Variants in GBE1 observed in about 807,000 individuals in gnomAD.
The protein encoded by GBE1 is 1,4-alpha-glucan-branching enzyme.
A neutral mutation model predicts 88.8 loss-of-function variants in GBE1; 70 were observed. The observed-to-expected ratio is 0.79, with a 90% confidence interval of 0.65 to 0.96. The LOEUF (loss-of-function observed/expected upper bound fraction) is 0.96, where lower values mean the gene tolerates loss of function less well. GBE1 is among the 40% of genes least tolerant of loss of function. The pLI is 0.00. For synonymous variants in GBE1, 284 were observed against 300.1 expected, an observed-to-expected ratio of 0.95 and a Z score of 0.56; for missense variants, 872 against 871.0, an observed-to-expected ratio of 1.00 and a Z score of -0.01.
chr3:81,750,607 ATATATATATG>A lies in GBE1; in HGVS notation c.143+10758_143+10767del, dbSNP rs1559708656. ...TATATACGTATATATATATGTGTAT[ATATATATATG>A]TATATATATATACGTATATATATAT... On this transcript the variant is annotated intron_variant, in intron 1 of 15. Coordinates refer to ENST00000429644, the MANE Select transcript of GBE1 (RefSeq NM_000158.4). Among the ~76,000 whole-genome samples, 520 of 79,870 alleles carry A rather than the reference ATATATATATG, an allele frequency of 6.5e-3. 27 individuals are homozygous for A. The highest frequency in any genetic ancestry group is 0.029 in the East Asian group (29 of 1,006). The allele number at this position is 79,870 out of a possible 152,430, so 52.4% of individuals were successfully genotyped here.
intron 2 of GBE1, among the ~76,000 whole-genome samples, chr3:81,676,327 T>C (rs537976176): frequency 1.3e-5 from 2 of 152,248 alleles, no homozygotes; most frequent in South Asian, 2.1e-4. Context: ...GATACTCTTA[T>C]GCTTGTCTAG....
chr3:81,575,761 A>G (rs1254993400), intron 12 of GBE1, among the ~76,000 whole-genome samples: 1 of 152,198 alleles, frequency 6.6e-6, no homozygotes, highest in Non-Finnish European at 1.5e-5. Context: ...GCTTATAACT[A>G]AAACTGGTTA....
Position 81,589,433 on chromosome 3 carries a change from C to A in GBE1, c.1236+1604G>T, listed in dbSNP as rs144286190. On this transcript the variant is annotated intron_variant, in intron 9 of 15. Coordinates refer to ENST00000429644, the MANE Select transcript of GBE1 (RefSeq NM_000158.4). ...TCAATTCTACATTTGGAAGAGACTC[C>A]CGCTAGACAGAAAAGTGACGTATTG... Among the ~76,000 whole-genome samples the A allele has an allele frequency of 2.3e-3, 354 of 151,194 alleles. 3 individuals carry two copies. Among genetic ancestry groups the A allele is most frequent in the African/African-American group, 8.2e-3 (338 of 41,258 alleles).
At chr3:81,544,948 T>G (rs940067828) in intron 12 of GBE1, among the ~76,000 whole-genome samples, 2 of 152,176 alleles carry the variant, frequency 1.3e-5, no homozygotes, top group Non-Finnish European at 2.9e-5. Flanking sequence ...TAGGAATTAA[T>G]TAAAGTATAT....
chr3:81,685,083 C>G (rs1242376031), intron 2 of GBE1, among the ~76,000 whole-genome samples: 1 of 152,188 alleles, frequency 6.6e-6, no homozygotes, highest in Non-Finnish European at 1.5e-5. Context: ...CAGAGAGACA[C>G]ATAGAGTAAG....
intron 1 of GBE1, among the ~76,000 whole-genome samples, chr3:81,752,328 T>C (rs1575778675): frequency 6.6e-6 from 1 of 152,228 alleles, no homozygotes; most frequent in Admixed American, 6.5e-5. Context: ...ATTATATATT[T>C]TTTCTTCTTC....
intron 8 of GBE1, among the ~76,000 whole-genome samples, chr3:81,593,467 T>G (rs1271931284): frequency 6.6e-6 from 1 of 151,062 alleles, no homozygotes; most frequent in Non-Finnish European, 1.5e-5. Context: ...ACTTTTAAGC[T>G]GAGAGTCTGA....
chr3:81,573,775 CTGTG>C (rs61048893), intron 12 of GBE1, among the ~76,000 whole-genome samples: 1 of 148,788 alleles, frequency 6.7e-6, no homozygotes, highest in African/African-American at 2.5e-5. Context: ...CTCTCTCTCT[CTGTG>C]TGTGTGTGTG....
intron 14 of GBE1, among the ~76,000 whole-genome samples, chr3:81,506,716 C>A (rs1346004680): frequency 6.6e-6 from 1 of 152,186 alleles, no homozygotes; most frequent in Non-Finnish European, 1.5e-5. Context: ...GGTACACATA[C>A]ACCATGGAAT....
At chr3:81,535,036 G>T (rs1322158688) in intron 14 of GBE1, 159 bp downstream of exon 14, 7 of 688,734 alleles carry the variant, frequency 1.0e-5, no homozygotes, top group Non-Finnish European at 1.6e-5. Context: ...GTCGAGCAAA[G>T]ATTTATCCAT....
intron 7 of GBE1, among the ~76,000 whole-genome samples, chr3:81,625,833 AG>A (rs1478284013): frequency 6.6e-6 from 1 of 152,118 alleles, no homozygotes. Context: ...GAGTACGGGG[AG>A]AAAAGGAAAG....
chr3:81,648,351 A>G (rs1304287848), intron 5 of GBE1, among the ~76,000 whole-genome samples: 1 of 152,158 alleles, frequency 6.6e-6, no homozygotes, highest in Non-Finnish European at 1.5e-5. Flanking sequence ...GATCTGTGCC[A>G]TTACAGTTCA....
intron 12 of GBE1, among the ~76,000 whole-genome samples, chr3:81,560,869 G>C (rs539803627): frequency 6.6e-6 from 1 of 151,936 alleles, no homozygotes; most frequent in African/African-American, 2.4e-5. Context: ...AATTGTAGAC[G>C]TATTTCCTAA....
At chr3:81,634,030 C>A (rs752708644) in intron 7 of GBE1, among the ~76,000 whole-genome samples, 4 of 152,182 alleles carry the variant, frequency 2.6e-5, no homozygotes, top group African/African-American at 9.6e-5. Context: ...ATTCTCAACA[C>A]GAAAGCAACT....
intron 12 of GBE1, among the ~76,000 whole-genome samples, chr3:81,563,029 A>G (rs1703441192): frequency 6.6e-6 from 1 of 152,050 alleles, no homozygotes; most frequent in Admixed American, 6.6e-5. Context: ...ATCTGTGTTT[A>G]GAGCACTCAT....
At chr3:81,600,409 G>C (rs560326529) in intron 7 of GBE1, among the ~76,000 whole-genome samples, 67 of 151,640 alleles carry the variant, frequency 4.4e-4, no homozygotes, top group African/African-American at 1.5e-3. Flanking sequence ...CTTATATTTA[G>C]CCAGTTTTAT....
chr3:81,494,126 G>GT (rs1702473172), intron 15 of GBE1, among the ~76,000 whole-genome samples: 1 of 152,080 alleles, frequency 6.6e-6, no homozygotes, highest in South Asian at 2.1e-4. Context: ...ACCAGAATGT[G>GT]TTTATATTGC....
intron 5 of GBE1, 161 bp from the exon 6 acceptor site, chr3:81,646,643 C>T (rs1263859523): frequency 8.8e-6 from 5 of 565,530 alleles, no homozygotes; most frequent in Non-Finnish European, 1.6e-5. Context: ...TTTTGTTTGA[C>T]CTTCTAACAA....
At chr3:81,619,962 C>T (rs17019127) in intron 7 of GBE1, among the ~76,000 whole-genome samples, 19,500 of 151,352 alleles carry the variant, frequency 0.13, 1,825 homozygotes, top group East Asian at 0.37. Context: ...AATGTCATCA[C>T]CATTAAAAAA....
Sources: gnomAD v4.1 joint callset for allele counts (sites outside exome capture counted in the v4.1 genomes callset) on GRCh38, gnomAD v4.1.1 for gene constraint, MANE v1.5 for transcripts, NCBI Gene and HGNC (gene_info 2026-07-23, HGNC 2026-07-21) for gene names.